The following MEMO1 variants were observed in gnomAD, a reference collection of about 807,000 sequenced individuals.
MEMO1 encodes the protein mediator of cell motility 1.
A neutral mutation model predicts 45.2 loss-of-function variants in MEMO1; 6 were observed. The ratio of observed to expected loss-of-function variants is 0.13; its 90% confidence interval spans 0.07 to 0.26. The LOEUF (loss-of-function observed/expected upper bound fraction) is 0.26, where lower values mean the gene tolerates loss of function less well. Among genes scored for constraint, MEMO1 ranks in the 10% least tolerant of loss-of-function variants. MEMO1 has a pLI of 1.00. For synonymous variants in MEMO1, 78 were observed against 124.3 expected (o/e 0.63, Z 2.48); for missense variants, 184 against 370.5 (o/e 0.50, Z 4.13).
intron 2 of MEMO1, among the ~76,000 whole-genome samples, chr2:31,995,575 G>A (rs1302082129): frequency 1.3e-5 from 2 of 151,622 alleles, no homozygotes; most frequent in Non-Finnish European, 2.9e-5. Flanking sequence ...CTGAACTTGA[G>A]AACAAAGCAA....
At chr2:31,911,431 G>A (rs1033356073) in intron 6 of MEMO1, among the ~76,000 whole-genome samples, 1 of 152,198 alleles carries the variant, frequency 6.6e-6, no homozygotes, top group African/African-American at 2.4e-5. Flanking sequence ...AAACCATTCT[G>A]TATGGTATTA....
chr2:31,992,799 AT>A (rs776713342), intron 2 of MEMO1, among the ~76,000 whole-genome samples: 1 of 152,204 alleles, frequency 6.6e-6, no homozygotes, highest in African/African-American at 2.4e-5. Flanking sequence ...TAAAAAAAAA[AT>A]GAATTAATAA....
chr2:31,875,990 T>C (rs1272585), intron 8 of MEMO1, among the ~76,000 whole-genome samples: 71,564 of 151,994 alleles, frequency 0.47, 17,063 homozygotes, highest in Admixed American at 0.5. Flanking sequence ...CCCAGCCCCA[T>C]TGTTGCTACC....
chr2:31,915,168 C>A (rs1681244352), intron 6 of MEMO1, among the ~76,000 whole-genome samples: 1 of 151,996 alleles, frequency 6.6e-6, no homozygotes, highest in African/African-American at 2.4e-5. Context: ...AGAAACCACA[C>A]TCAAGGAGCC....
chr2:31,873,964 GT>G (rs1338421547), intron 8 of MEMO1, among the ~76,000 whole-genome samples: 3 of 152,044 alleles, frequency 2.0e-5, no homozygotes, highest in Non-Finnish European at 2.9e-5. Flanking sequence ...ATTGGCTTAG[GT>G]TCAAGAGAAA....
At chr2:32,009,859 C>T (rs1212887679) in intron 2 of MEMO1, among the ~76,000 whole-genome samples, 1 of 152,026 alleles carries the variant, frequency 6.6e-6, no homozygotes, top group Non-Finnish European at 1.5e-5. Context: ...GACAAGTCGG[C>T]TGGGGTCCGG....
At chr2:31,923,599 T>A (rs1682653131) in intron 4 of MEMO1, 1 of 1,513,776 alleles carries the variant, frequency 6.6e-7, no homozygotes, top group Admixed American at 2.3e-5. Context: ...AACTCAGAAA[T>A]GTTTAGGTAG....
At chr2:31,895,261 C>T (rs952970437) in intron 6 of MEMO1, among the ~76,000 whole-genome samples, 36 of 151,982 alleles carry the variant, frequency 2.4e-4, no homozygotes, top group South Asian at 2.1e-4. Context: ...CCATATTCGG[C>T]GGGAAAAATA....
chr2:31,905,974 TA>T (rs1463251372), intron 6 of MEMO1, among the ~76,000 whole-genome samples: 3 of 152,096 alleles, frequency 2.0e-5, no homozygotes, highest in East Asian at 1.9e-4. Context: ...TTTTTTTCTT[TA>T]TTTTTTTTTT....
At chr2:32,004,129 T>G (rs1431766310) in intron 2 of MEMO1, among the ~76,000 whole-genome samples, 1 of 152,118 alleles carries the variant, frequency 6.6e-6, no homozygotes, top group Non-Finnish European at 1.5e-5. Context: ...TGCAGTGAGT[T>G]GTGATCACAC....
At chr2:31,994,266 A>C (rs974839643) in intron 2 of MEMO1, among the ~76,000 whole-genome samples, 4 of 151,470 alleles carry the variant, frequency 2.6e-5, no homozygotes, top group African/African-American at 4.8e-5. Flanking sequence ...CGGCCACCTC[A>C]ATACTTCTTA....
At chr2:31,970,991 G>A (rs965322421) in intron 2 of MEMO1, among the ~76,000 whole-genome samples, 4 of 152,106 alleles carry the variant, frequency 2.6e-5, no homozygotes, top group East Asian at 1.9e-4. Context: ...GTGACAGAGC[G>A]AGACTCCATC....
chr2:31,927,681 A>G, intron 4 of MEMO1, among the ~76,000 whole-genome samples: 1 of 149,636 alleles, frequency 6.7e-6, no homozygotes, highest in Non-Finnish European at 1.5e-5. Context: ...TTTTCCCACT[A>G]TCTTCTATTA....
chr2:31,872,310 T>C (rs1673900840), intron 8 of MEMO1, among the ~76,000 whole-genome samples: 1 of 152,176 alleles, frequency 6.6e-6, no homozygotes, highest in Admixed American at 6.5e-5. Context: ...ATACTAACAA[T>C]TCTTTGAACA....
At chr2:31,969,590 T>TGTGTGTGTGTGG (rs1558542026) in intron 2 of MEMO1, among the ~76,000 whole-genome samples, 49 of 42,926 alleles carry the variant, frequency 1.1e-3, no homozygotes, top group African/African-American at 3.4e-3. Flanking sequence ...TGTGTGGGTG[T>TGTGTGTGTGTGG]GTGTGTGTGT....
At chr2:31,907,592 C>A (rs189462614) in intron 6 of MEMO1, among the ~76,000 whole-genome samples, 3 of 152,152 alleles carry the variant, frequency 2.0e-5, no homozygotes, top group African/African-American at 7.2e-5. Context: ...CCCAGGAGTT[C>A]AAGATCAGCC....
intron 6 of MEMO1, among the ~76,000 whole-genome samples, chr2:31,906,566 G>A (rs113895146): frequency 1.5e-3 from 220 of 151,694 alleles, no homozygotes; most frequent in African/African-American, 5.1e-3. Context: ...CTCATGATCC[G>A]CCCACCTTGG....
chr2:31,902,560 T>C (rs376424479), intron 6 of MEMO1, among the ~76,000 whole-genome samples: 4 of 152,130 alleles, frequency 2.6e-5, no homozygotes, highest in African/African-American at 7.2e-5. Flanking sequence ...AATTTTGCCA[T>C]CTGAAAAAAA....
chr2:31,895,985 A>G (rs1468369332), intron 6 of MEMO1, among the ~76,000 whole-genome samples: 1 of 151,760 alleles, frequency 6.6e-6, no homozygotes, highest in African/African-American at 2.4e-5. Context: ...CTGGGACTAC[A>G]GGCGCCCGCC....
Sources: allele counts gnomAD v4.1 joint callset (sites outside exome capture counted in the v4.1 genomes callset), GRCh38; gene constraint gnomAD v4.1.1; transcripts MANE v1.5; gene names NCBI Gene and HGNC (gene_info 2026-07-23, HGNC 2026-07-21).